The following NHSL1 variants were observed in gnomAD, a reference collection of about 807,000 sequenced individuals.
NHSL1 encodes NHS like 1.
A neutral mutation model predicts 95.0 loss-of-function variants in NHSL1; 48 were observed. The ratio of observed to expected loss-of-function variants is 0.51; its 90% CI spans 0.40 to 0.64. NHSL1 has a LOEUF of 0.64. NHSL1 is among the 30% of genes least tolerant of loss of function. NHSL1 has a pLI of 0.00. For synonymous variants in NHSL1, 783 were observed against 833.9 expected, an observed-to-expected ratio of 0.94 and a Z score of 1.05; for missense variants, 1,971 against 2,077.7, an observed-to-expected ratio of 0.95 and a Z score of 1.00.
intron 7 of NHSL1, among the ~76,000 whole-genome samples, chr6:138,428,532 T>C (rs1775412572): frequency 6.6e-6 from 1 of 152,238 alleles, no homozygotes; most frequent in South Asian, 2.1e-4. Flanking sequence ...GTCTTTAGGA[T>C]CTATTATACC....
intron 1 of NHSL1, among the ~76,000 whole-genome samples, chr6:138,560,305 G>A (rs1783363358): frequency 3.3e-5 from 5 of 152,154 alleles, no homozygotes; most frequent in Admixed American, 3.3e-4. Context: ...CCAAAGCAAT[G>A]TCGAAAGACA....
chr6:138,608,996 G>T (rs895799526), intron 1 of NHSL1, among the ~76,000 whole-genome samples: 12 of 152,268 alleles, frequency 7.9e-5, no homozygotes, highest in African/African-American at 2.9e-4. Context: ...GTAACTCCAT[G>T]AAATTGCATG....
At chr6:138,480,379 T>G (rs1779344936) in intron 2 of NHSL1, among the ~76,000 whole-genome samples, 1 of 152,234 alleles carries the variant, frequency 6.6e-6, no homozygotes, top group Non-Finnish European at 1.5e-5. Flanking sequence ...GAGGGCTGAC[T>G]GTATTGAAAA....
intron 1 of NHSL1, among the ~76,000 whole-genome samples, chr6:138,632,205 T>C (rs1784828442): frequency 6.6e-6 from 1 of 152,148 alleles, no homozygotes; most frequent in East Asian, 1.9e-4. Flanking sequence ...AGCCACAGTA[T>C]ATTAGAACAC....
At chr6:138,565,762 A>AAAAATAAAATAAAATAAAAT (rs146572935) in intron 1 of NHSL1, among the ~76,000 whole-genome samples, 1,757 of 147,508 alleles carry the variant, frequency 0.012, 39 homozygotes, top group African/African-American at 0.043. Context: ...CCATCTCTAC[A>AAAAATAAAATAAAATAAAAT]AAAATAAAAT....
intron 1 of NHSL1, among the ~76,000 whole-genome samples, chr6:138,622,355 A>G (rs114483844): frequency 0.016 from 2,474 of 151,926 alleles, 68 homozygotes; most frequent in African/African-American, 0.056. Flanking sequence ...CCAAAAAAAA[A>G]TAGCCGGGCG....
intron 7 of NHSL1, among the ~76,000 whole-genome samples, chr6:138,428,253 T>C (rs1271482799): frequency 6.6e-6 from 1 of 152,222 alleles, no homozygotes; most frequent in African/African-American, 2.4e-5. Context: ...GTGCATTCCA[T>C]ACTAAATGAA....
chr6:138,424,663 G>A lies in NHSL1; in HGVS notation c.4239C>T (p.Ser1413=). 1 of 1,551,630 alleles carries A rather than the reference G, an allele frequency of 6.4e-7. No individual in the cohort carries two copies. The highest frequency in any genetic ancestry group is 8.7e-7 in the Non-Finnish European group (1 of 1,147,002). ...GSIQRSIRKS[S]TSSDNFKALL... ...GAGCTTTGAAGTTGTCACTGCTGGT[G>A]CTGCTCTTTCGGATGCTTCTCTGAA... is the stretch of plus-strand genomic sequence containing the variant. Residue 1413 remains serine (S), a synonymous_variant, in exon 8 of 8, where the codon AGC becomes AGT. Transcript: ENST00000343505. The surrounding 1 kb of genome is among the most constrained non-coding windows in gnomAD (Gnocchi z 5.9).
At chr6:138,427,180 A>G (rs1192491135) in intron 7 of NHSL1, among the ~76,000 whole-genome samples, 2 of 152,244 alleles carry the variant, frequency 1.3e-5, no homozygotes, top group Admixed American at 1.3e-4. Context: ...AGTCACAACT[A>G]AACTTGAGTA....
intron 3 of NHSL1, among the ~76,000 whole-genome samples, chr6:138,454,040 G>A (rs1777414191): frequency 6.6e-6 from 1 of 152,060 alleles, no homozygotes; most frequent in African/African-American, 2.4e-5. Context: ...ATAACATAAT[G>A]AATATTCAAG....
intron 1 of NHSL1, among the ~76,000 whole-genome samples, chr6:138,513,697 C>T (rs904648722): frequency 9.9e-5 from 15 of 152,172 alleles, no homozygotes; most frequent in Non-Finnish European, 1.6e-4. Flanking sequence ...TTCCCATCAT[C>T]CTTCGGGTCT....
At chr6:138,640,386 A>C (rs146002623) in intron 1 of NHSL1, among the ~76,000 whole-genome samples, 35 of 152,302 alleles carry the variant, frequency 2.3e-4, no homozygotes, top group African/African-American at 7.2e-4. Context: ...CATTTAAAAA[A>C]TACAAATGAC....
At chr6:138,502,672 A>G (rs1780749451), upstream of NHSL1, among the ~76,000 whole-genome samples, 1 of 152,178 alleles carries the variant, frequency 6.6e-6, no homozygotes, top group South Asian at 2.1e-4. Context: ...CTAATGCATA[A>G]TAGCGAAAAG....
intron 1 of NHSL1, among the ~76,000 whole-genome samples, chr6:138,585,044 T>A (rs1414389617): frequency 6.6e-6 from 1 of 152,204 alleles, no homozygotes; most frequent in Non-Finnish European, 1.5e-5. Flanking sequence ...CGGGCCTTTA[T>A]TTCTTAGAGT....
At chr6:138,576,686 A>G (rs1478020164), upstream of NHSL1, among the ~76,000 whole-genome samples, 1 of 152,218 alleles carries the variant, frequency 6.6e-6, no homozygotes, top group African/African-American at 2.4e-5. Context: ...GCTTTGTCGC[A>G]GCTGCCTTTG....
intron 1 of NHSL1, among the ~76,000 whole-genome samples, chr6:138,581,452 G>T (rs1784054015): frequency 6.6e-6 from 1 of 152,016 alleles, no homozygotes; most frequent in Admixed American, 6.6e-5. Context: ...AGCAGTTTGG[G>T]AGGCCGAGGT....
intron 3 of NHSL1, among the ~76,000 whole-genome samples, chr6:138,469,333 G>C (rs1778600949): frequency 6.6e-6 from 1 of 152,150 alleles, no homozygotes. Context: ...TGCAGGAAGC[G>C]GTAGAGAAAA....
chr6:138,454,088 A>T (rs6917093), intron 3 of NHSL1, among the ~76,000 whole-genome samples: 49,986 of 151,938 alleles, frequency 0.33, 10,541 homozygotes, highest in African/African-American at 0.58. Context: ...ATATTACTAA[A>T]AACCTGCATC....
chr6:138,501,438 T>C (rs975231900), upstream of NHSL1, among the ~76,000 whole-genome samples: 1 of 152,140 alleles, frequency 6.6e-6, no homozygotes, highest in Non-Finnish European at 1.5e-5. Flanking sequence ...AAAGGGGGTT[T>C]GAGGGTGGCC....
Sources: allele counts gnomAD v4.1 joint callset (sites outside exome capture counted in the v4.1 genomes callset), GRCh38; gene constraint gnomAD v4.1.1; non-coding constraint Gnocchi (gnomAD v3.1); transcripts MANE v1.5; gene names NCBI Gene and HGNC (gene_info 2026-07-23, HGNC 2026-07-21).